PLCB1: variants seen among roughly 807,000 people sequenced by gnomAD.
The protein encoded by PLCB1 is phospholipase C beta 1.
PLCB1 carries 46 observed loss-of-function variants against 161.8 expected under a neutral mutation model. That is an observed-to-expected ratio of 0.28 (90% CI 0.22 to 0.36). PLCB1 has a LOEUF of 0.36. PLCB1 is among the 10% of genes least tolerant of loss of function. The pLI is 1.00. For missense variants in PLCB1, 1,016 were observed against 1,472.5 expected (o/e 0.69, Z 5.07); for synonymous variants, 517 against 503.7 (o/e 1.03, Z -0.35).
intron 3 of PLCB1, among the ~76,000 whole-genome samples, chr20:8,387,976 T>TAAA (rs1568657457): frequency 2.0e-4 from 26 of 128,774 alleles, no homozygotes; most frequent in African/African-American, 8.9e-4. Context: ...ACCACTTTTT[T>TAAA]TAAAAAAAAA....
At chr20:8,460,428 C>T (rs1468127771) in intron 3 of PLCB1, among the ~76,000 whole-genome samples, 3 of 152,180 alleles carry the variant, frequency 2.0e-5, no homozygotes, top group Non-Finnish European at 4.4e-5. Context: ...ATTATGATGC[C>T]TATTCAAGAT....
At chr20:8,198,350 T>C (rs1236915848) in intron 2 of PLCB1, among the ~76,000 whole-genome samples, 1 of 152,186 alleles carries the variant, frequency 6.6e-6, no homozygotes, top group Non-Finnish European at 1.5e-5. Context: ...CAGTGGTTTG[T>C]AGTTCTCCTT....
At chr20:8,689,195 T>C (rs1226381579) in intron 10 of PLCB1, among the ~76,000 whole-genome samples, 2 of 152,126 alleles carry the variant, frequency 1.3e-5, no homozygotes, top group South Asian at 4.1e-4. Flanking sequence ...ATTAATCTTG[T>C]ATCTGAAAAC....
In PLCB1 at chr20:8,702,504, T is replaced by A. The variant is rs1008480232; in HGVS notation, c.1167+4721T>A. 1.1e-4 allele frequency among the ~76,000 whole-genome samples: 16 copies of A among 152,210 alleles called. No homozygotes were observed. In the East Asian group the frequency reaches 3.1e-3, roughly 29 times the overall value. ...TTTCTGAAAATAAAGTGTCATTCATTCCCTGAGAAAAACAATAATTTAGGA... is the reference window on the plus strand; with the variant it reads ...TTTCTGAAAATAAAGTGTCATTCATACCCTGAGAAAAACAATAATTTAGGA... On this transcript the variant is annotated intron_variant, in intron 11 of 31. Coordinates refer to ENST00000338037, the MANE Select transcript of PLCB1 (RefSeq NM_015192.4).
intron 26 of PLCB1, among the ~76,000 whole-genome samples, chr20:8,768,345 T>C (rs954986632): frequency 2.6e-5 from 4 of 152,118 alleles, no homozygotes; most frequent in Non-Finnish European, 4.4e-5. Flanking sequence ...ACCTCCATTA[T>C]CACATGAATT....
chr20:8,533,416 C>T, intron 3 of PLCB1, among the ~76,000 whole-genome samples: 1 of 151,644 alleles, frequency 6.6e-6, no homozygotes, highest in African/African-American at 2.4e-5. Flanking sequence ...ATTTCTAGTT[C>T]TAGATCCCTG....
intron 2 of PLCB1, among the ~76,000 whole-genome samples, chr20:8,265,763 C>T (rs981333875): frequency 2.6e-5 from 4 of 152,048 alleles, no homozygotes; most frequent in African/African-American, 9.7e-5. Flanking sequence ...TTTAACCTAG[C>T]AACAGTTACT....
At chr20:8,283,951 A>G (rs1982995991) in intron 2 of PLCB1, among the ~76,000 whole-genome samples, 1 of 152,042 alleles carries the variant, frequency 6.6e-6, no homozygotes, top group Non-Finnish European at 1.5e-5. Flanking sequence ...ATATGGATAC[A>G]ACTTATCTTT....
At chr20:8,743,876 A>G (rs991658843) in intron 23 of PLCB1, among the ~76,000 whole-genome samples, 3 of 152,278 alleles carry the variant, frequency 2.0e-5, no homozygotes, top group South Asian at 2.1e-4. Flanking sequence ...TTTTACTCAT[A>G]TGAACATCAG....
chr20:8,417,466 C>T (rs1272905489), intron 3 of PLCB1, among the ~76,000 whole-genome samples: 49 of 146,502 alleles, frequency 3.3e-4, no homozygotes, highest in Non-Finnish European at 1.2e-4. Flanking sequence ...TTTTTTAGTT[C>T]TAGGTAAAAA....
rs375166157 is a variant in PLCB1 at position 8,409,493 on chromosome 20, G to A, written c.246+38043G>A. On this transcript the variant is annotated intron_variant, in intron 3 of 31. Coordinates refer to ENST00000338037, the MANE Select transcript of PLCB1 (RefSeq NM_015192.4). ...ATTATTAATTTTGAGATGGAGTTTC[G>A]CTCTTGTGGCTCAGGCTGAAGTGCA... Among the ~76,000 whole-genome samples the A allele has an allele frequency of 3.1e-3, 474 of 150,880 alleles. 27 individuals are homozygous for A. In the South Asian group the frequency reaches 0.08, roughly 25 times the overall value.
intron 2 of PLCB1, among the ~76,000 whole-genome samples, chr20:8,216,093 G>A (rs2123153828): frequency 6.6e-6 from 1 of 152,160 alleles, no homozygotes; most frequent in African/African-American, 2.4e-5. Flanking sequence ...CATTTTATAT[G>A]ATTATAGGAC....
chr20:8,680,995 A>C (rs950627349), intron 9 of PLCB1, among the ~76,000 whole-genome samples: 26 of 149,538 alleles, frequency 1.7e-4, no homozygotes, highest in African/African-American at 5.9e-4. Context: ...AAAATATACA[A>C]ATACATACAT....
In PLCB1 at chr20:8,883,601, A is replaced by C. The variant is rs1488826054; in HGVS notation, c.*1752A>C. ...TCAAGAATTTAATATTTTTATGAAA[A>C]TTATTTTATTTAACTTTAAGCAATA... On this transcript the variant is annotated 3_prime_UTR_variant, in exon 32 of 32. Coordinates refer to ENST00000338037, the MANE Select transcript of PLCB1 (RefSeq NM_015192.4). The C allele has an allele frequency of 1.3e-5, 2 of 152,248 alleles. No homozygotes were observed. The highest frequency in any genetic ancestry group is 2.9e-5 in the Non-Finnish European group (2 of 67,978). The allele number at this position is 152,248 out of a possible 1,614,324, so 9.4% of individuals were successfully genotyped here.
At chr20:8,308,863 T>C (rs1984257683) in intron 2 of PLCB1, among the ~76,000 whole-genome samples, 1 of 152,152 alleles carries the variant, frequency 6.6e-6, no homozygotes, top group Admixed American at 6.5e-5. Context: ...AGCATTGTAC[T>C]TCTTCTGCCT....
chr20:8,219,983 C>T (rs1042842368), intron 2 of PLCB1, among the ~76,000 whole-genome samples: 1 of 152,008 alleles, frequency 6.6e-6, no homozygotes. Context: ...CTCTTGTTAA[C>T]TAAAACAATG....
chr20:8,349,092 C>T (rs1986093202), intron 2 of PLCB1, among the ~76,000 whole-genome samples: 1 of 152,010 alleles, frequency 6.6e-6, no homozygotes, highest in Non-Finnish European at 1.5e-5. Flanking sequence ...CACACATATA[C>T]ATATAACAAA....
At chr20:8,711,357 G>C (rs182859658) in intron 12 of PLCB1, among the ~76,000 whole-genome samples, 13 of 152,344 alleles carry the variant, frequency 8.5e-5, no homozygotes, top group Admixed American at 7.2e-4. Context: ...CTTCACACTA[G>C]TCATTTAGAG....
At chr20:8,682,464 A>G (rs1032716192) in intron 9 of PLCB1, among the ~76,000 whole-genome samples, 4 of 152,196 alleles carry the variant, frequency 2.6e-5, no homozygotes, top group African/African-American at 9.7e-5. Context: ...AGCTCCTCTC[A>G]TCAAAAGAGC....
Sources: allele counts gnomAD v4.1 joint callset (sites outside exome capture counted in the v4.1 genomes callset), GRCh38; gene constraint gnomAD v4.1.1; transcripts MANE v1.5; gene names NCBI Gene and HGNC (gene_info 2026-07-23, HGNC 2026-07-21).